CNTNAP2: variants seen among roughly 807,000 people sequenced by gnomAD.
CNTNAP2 encodes contactin-associated protein-like 2.
A neutral mutation model predicts 155.2 loss-of-function variants in CNTNAP2; 98 were observed. The observed-to-expected ratio is 0.63, with a 90% confidence interval of 0.54 to 0.75. The LOEUF (loss-of-function observed/expected upper bound fraction) is 0.75. Ranked by LOEUF, CNTNAP2 falls within the 30% of genes least tolerant of loss-of-function variation. The probability of loss-of-function intolerance (pLI) is 0.00; values close to 1 mark genes in which losing one functional copy is unlikely to be tolerated. For synonymous variants in CNTNAP2, 651 were observed against 631.2 expected (o/e 1.03, Z -0.47); for missense variants, 1,727 against 1,688.1 (o/e 1.02, Z -0.40).
At chr7:146,757,701 A>C (rs751949987) in intron 1 of CNTNAP2, among the ~76,000 whole-genome samples, 4 of 152,200 alleles carry the variant, frequency 2.6e-5, no homozygotes, top group Non-Finnish European at 5.9e-5. Context: ...TTCAGTAAAA[A>C]TATAGGTGTT....
At chr7:146,461,377 C>T (rs1028458356) in intron 1 of CNTNAP2, among the ~76,000 whole-genome samples, 9 of 149,804 alleles carry the variant, frequency 6.0e-5, no homozygotes, top group Admixed American at 2.7e-4. Context: ...TGCAGTCTGG[C>T]CTGGGCAAAA....
intron 1 of CNTNAP2, among the ~76,000 whole-genome samples, chr7:146,251,308 T>C (rs1392188432): frequency 6.6e-6 from 1 of 152,082 alleles, no homozygotes; most frequent in Non-Finnish European, 1.5e-5. Flanking sequence ...TTATACAAGT[T>C]ACAATTATAT....
intron 21 of CNTNAP2, among the ~76,000 whole-genome samples, chr7:148,349,620 C>T (rs1319692484): frequency 6.6e-6 from 1 of 152,058 alleles, no homozygotes; most frequent in African/African-American, 2.4e-5. Context: ...ACAGGATGGT[C>T]TCGATCTCCT....
intron 21 of CNTNAP2, among the ~76,000 whole-genome samples, chr7:148,329,307 G>A (rs1326885606): frequency 6.6e-6 from 1 of 152,212 alleles, no homozygotes; most frequent in Non-Finnish European, 1.5e-5. Flanking sequence ...AGGCATCAGA[G>A]GCTCAAGAAA....
At chr7:147,740,669 T>C (rs1372454097) in intron 13 of CNTNAP2, among the ~76,000 whole-genome samples, 1 of 152,212 alleles carries the variant, frequency 6.6e-6, no homozygotes, top group Non-Finnish European at 1.5e-5. Flanking sequence ...ATATCATCAG[T>C]CACTTCCTCA....
intron 3 of CNTNAP2, among the ~76,000 whole-genome samples, chr7:146,864,024 A>G (rs2129205760): frequency 6.6e-6 from 1 of 152,186 alleles, no homozygotes; most frequent in African/African-American, 2.4e-5. Flanking sequence ...AAAATGCTCT[A>G]AGTAACCTTT....
intron 10 of CNTNAP2, among the ~76,000 whole-genome samples, chr7:147,424,538 G>A (rs965830863): frequency 6.6e-6 from 1 of 152,016 alleles, no homozygotes; most frequent in Non-Finnish European, 1.5e-5. Context: ...TTTCCAAACA[G>A]TGGAGAGCCC....
At chr7:146,440,899 G>A (rs540269774) in intron 1 of CNTNAP2, among the ~76,000 whole-genome samples, 1 of 151,694 alleles carries the variant, frequency 6.6e-6, no homozygotes, top group Non-Finnish European at 1.5e-5. Context: ...GTTCAGTGAA[G>A]CAGTATCTTC....
chr7:147,603,860 G>A (rs1801005945), intron 12 of CNTNAP2, among the ~76,000 whole-genome samples: 1 of 152,108 alleles, frequency 6.6e-6, no homozygotes, highest in South Asian at 2.1e-4. Flanking sequence ...CATGGTACTG[G>A]TACTAAAACA....
rs150280102 is a variant in CNTNAP2 at position 146,882,677 on chromosome 7, T to C, written c.402+42773T>C. Among the ~76,000 whole-genome samples the C allele has an allele frequency of 3.3e-3, 503 of 152,230 alleles. 3 individuals are homozygous for C. Among genetic ancestry groups the C allele is most frequent in the South Asian group, 0.011 (53 of 4,822 alleles). ...TCTTGGGCAGTTCTTTATAGCAGTG[T>C]GAGAACAGACTAATATACTCAGTAA... On this transcript the variant is annotated intron_variant, in intron 3 of 23. Coordinates refer to ENST00000361727, the MANE Select transcript of CNTNAP2 (RefSeq NM_014141.6).
intron 22 of CNTNAP2, among the ~76,000 whole-genome samples, chr7:148,393,300 C>T (rs1799394772): frequency 6.6e-6 from 1 of 152,142 alleles, no homozygotes; most frequent in African/African-American, 2.4e-5. Context: ...ATCTCTCACA[C>T]TCAGTCTTTT....
In CNTNAP2 at chr7:147,773,676, G is replaced by A. The variant is rs571655448; in HGVS notation, c.2099-129889G>A. On this transcript the variant is annotated intron_variant, in intron 13 of 23. Transcript: ENST00000361727. ...CTAATCTCTTACCTGGACTGTGGCA[G>A]TATACTACCTCTTAACTGATCCCCT... Among the ~76,000 whole-genome samples, 24 of 152,188 alleles carry A rather than the reference G, an allele frequency of 1.6e-4. 1 individual carries two copies. The South Asian group carries it at 2.7e-3, about 17-fold the overall frequency.
chr7:147,877,301 T>C (rs1799438718), intron 13 of CNTNAP2, among the ~76,000 whole-genome samples: 1 of 152,124 alleles, frequency 6.6e-6, no homozygotes, highest in Non-Finnish European at 1.5e-5. Context: ...CTTTCTCAGG[T>C]CTCAGAGTAA....
chr7:146,951,172 T>G (rs1367322355), intron 3 of CNTNAP2, among the ~76,000 whole-genome samples: 1 of 152,218 alleles, frequency 6.6e-6, no homozygotes, highest in Non-Finnish European at 1.5e-5. Context: ...TTGCTTAAGT[T>G]CCTTGTAGAT....
In CNTNAP2 at chr7:147,126,918, G is replaced by A. The variant is rs116666965; in HGVS notation, c.940-1775G>A. Among the ~76,000 whole-genome samples, 1,036 of 152,270 alleles carry A rather than the reference G, an allele frequency of 6.8e-3. 13 individuals are homozygous for A. Among genetic ancestry groups the A allele is most frequent in the African/African-American group, 0.024 (985 of 41,548 alleles). The stretch of plus-strand genomic sequence containing the variant: ...TTGCTTTTCCAGAGCACCTTGATGA[G>A]GTGGACTTGTGCCTAGAGTTGCTGA... On this transcript the variant is annotated intron_variant, in intron 6 of 23. Coordinates refer to ENST00000361727, the MANE Select transcript of CNTNAP2 (RefSeq NM_014141.6).
intron 3 of CNTNAP2, among the ~76,000 whole-genome samples, chr7:146,877,609 C>G (rs1015146761): frequency 7.0e-6 from 1 of 143,072 alleles, no homozygotes; most frequent in Non-Finnish European, 1.6e-5. Flanking sequence ...TGTGTGTATA[C>G]TATATATGTG....
chr7:146,678,386 T>G (rs1302943149), intron 1 of CNTNAP2, among the ~76,000 whole-genome samples: 1 of 152,166 alleles, frequency 6.6e-6, no homozygotes, highest in African/African-American at 2.4e-5. Flanking sequence ...AATGTCATAT[T>G]TATTACCTTA....
intron 11 of CNTNAP2, among the ~76,000 whole-genome samples, chr7:147,487,583 C>A (rs1344680103): frequency 6.6e-6 from 1 of 152,034 alleles, no homozygotes; most frequent in Admixed American, 6.6e-5. Flanking sequence ...TGGTCAAGAG[C>A]AAGAAATCGG....
At chr7:146,612,931 C>CTTTTTTTT (rs10593929) in intron 1 of CNTNAP2, among the ~76,000 whole-genome samples, 1 of 139,362 alleles carries the variant, frequency 7.2e-6, no homozygotes, top group Non-Finnish European at 1.5e-5. Flanking sequence ...TAACATCTGT[C>CTTTTTTTT]TTTTTTTTTT....
Sources: gnomAD v4.1 joint callset for allele counts (sites outside exome capture counted in the v4.1 genomes callset) on GRCh38, gnomAD v4.1.1 for gene constraint, MANE v1.5 for transcripts, NCBI Gene and HGNC (gene_info 2026-07-23, HGNC 2026-07-21) for gene names.